RARB: variants seen among roughly 807,000 people sequenced by gnomAD.
RARB encodes retinoic acid receptor beta, also known as HBV-activated protein.
In RARB, 17 loss-of-function variants were observed where a neutral mutation model predicts 51.9. The observed-to-expected ratio is 0.33, with a 90% CI of 0.22 to 0.49. The LOEUF is 0.49. Ranked by LOEUF, RARB falls within the 20% of genes least tolerant of loss-of-function variation. The pLI is 0.99. For missense variants in RARB, 369 were observed against 550.8 expected, an observed-to-expected ratio of 0.67 and a Z score of 3.30; for synonymous variants, 215 against 195.4, an observed-to-expected ratio of 1.10 and a Z score of -0.84.
chr3:25,489,306 T>G (rs1301125310), intron 2 of RARB, among the ~76,000 whole-genome samples: 1 of 152,242 alleles, frequency 6.6e-6, no homozygotes, highest in Non-Finnish European at 1.5e-5. Flanking sequence ...TTTGAGCCTA[T>G]TTTTTGCTAA....
chr3:25,308,358 A>G (rs145809077), intron 5 of RARB, among the ~76,000 whole-genome samples: 1 of 152,224 alleles, frequency 6.6e-6, no homozygotes, highest in Admixed American at 6.5e-5. Flanking sequence ...CTTTGCAGCC[A>G]TACAGACTAG....
Position 24,929,803 on chromosome 3 carries a change from C to T in RARB, c.-380+71051C>T, listed in dbSNP as rs80062089. 7.4e-3 allele frequency among the ~76,000 whole-genome samples: 1,120 copies of T among 152,194 alleles called. 4 individuals are homozygous for T. The highest frequency in any genetic ancestry group is 0.012 in the Non-Finnish European group (803 of 67,990). On this transcript the variant is annotated intron_variant, in intron 2 of 11. Transcript: ENST00000383772. ...TGGCTGTAATGCCTGGGCAATGCTG[C>T]TACATAGGCTGCTGTTTTGAGTTGA...
intron 5 of RARB, among the ~76,000 whole-genome samples, chr3:25,353,334 G>A (rs375633010): frequency 3.9e-5 from 6 of 152,246 alleles, no homozygotes; most frequent in South Asian, 2.1e-4. Flanking sequence ...AGTCTGCCAC[G>A]TAGTAGGGTG....
chr3:25,052,061 T>C (rs1575137301), intron 2 of RARB, among the ~76,000 whole-genome samples: 1 of 152,188 alleles, frequency 6.6e-6, no homozygotes, highest in African/African-American at 2.4e-5. Context: ...CGGTATATGC[T>C]TTTGTGAGCA....
chr3:24,833,143 A>G (rs975928817), intron 1 of RARB: 5 of 152,322 alleles, frequency 3.3e-5, no homozygotes, highest in Admixed American at 1.3e-4. Context: ...GTCAGCAGTG[A>G]CTACTGAGCA....
chr3:24,980,195 C>G (rs1419559012), intron 2 of RARB, among the ~76,000 whole-genome samples: 4 of 152,146 alleles, frequency 2.6e-5, no homozygotes, highest in Non-Finnish European at 5.9e-5. Context: ...TCTGGCTGCC[C>G]TTAACATTTT....
intron 4 of RARB, among the ~76,000 whole-genome samples, chr3:25,172,145 C>T (rs993884948): frequency 2.0e-5 from 3 of 152,122 alleles, no homozygotes; most frequent in Non-Finnish European, 4.4e-5. Context: ...TGACACTGTT[C>T]GTTTTTAATA....
At chr3:24,879,173 T>C (rs1703106662) in intron 2 of RARB, among the ~76,000 whole-genome samples, 1 of 152,154 alleles carries the variant, frequency 6.6e-6, no homozygotes, top group Non-Finnish European at 1.5e-5. Context: ...CTCACGCCTG[T>C]AATCCCAGCA....
intron 5 of RARB, among the ~76,000 whole-genome samples, chr3:25,216,048 G>A (rs569834834): frequency 7.9e-5 from 12 of 152,278 alleles, no homozygotes; most frequent in African/African-American, 2.6e-4. Flanking sequence ...AAAAATATGT[G>A]CTTGAAGCAG....
chr3:25,285,335 C>T (rs1219274143), intron 5 of RARB, among the ~76,000 whole-genome samples: 1 of 152,010 alleles, frequency 6.6e-6, no homozygotes, highest in African/African-American at 2.4e-5. Flanking sequence ...TTCAAAGGCC[C>T]TTTGTTGGGA....
chr3:24,919,210 A>AT (rs1311352806), intron 2 of RARB, among the ~76,000 whole-genome samples: 3 of 152,212 alleles, frequency 2.0e-5, no homozygotes, highest in Non-Finnish European at 4.4e-5. Flanking sequence ...TGACCATAAT[A>AT]TTTCACTACT....
intron 3 of RARB, among the ~76,000 whole-genome samples, chr3:25,073,978 C>CA (rs1383764263): frequency 9.9e-5 from 15 of 152,172 alleles, no homozygotes; most frequent in Admixed American, 9.8e-4. Context: ...GTCTATGCCT[C>CA]AGTACATGAC....
intron 3 of RARB, among the ~76,000 whole-genome samples, chr3:25,074,946 G>A (rs1477093850): frequency 6.6e-6 from 1 of 152,094 alleles, no homozygotes; most frequent in East Asian, 1.9e-4. Flanking sequence ...CTCAATCTTG[G>A]TTCCCAGTTC....
chr3:25,437,302 A>T (rs1708477003), intron 1 of RARB, among the ~76,000 whole-genome samples: 1 of 152,142 alleles, frequency 6.6e-6, no homozygotes, highest in African/African-American at 2.4e-5. Context: ...GACTTTTACA[A>T]GTGAGCATTG....
At chr3:25,328,102 GA>G (rs1328668037) in intron 5 of RARB, among the ~76,000 whole-genome samples, 1 of 152,226 alleles carries the variant, frequency 6.6e-6, no homozygotes, top group Non-Finnish European at 1.5e-5. Flanking sequence ...GATGGTATAA[GA>G]GAGCTAATTC....
At chr3:25,074,974 T>G (rs1442805837) in intron 3 of RARB, among the ~76,000 whole-genome samples, 1 of 152,196 alleles carries the variant, frequency 6.6e-6, no homozygotes, top group African/African-American at 2.4e-5. Flanking sequence ...TCATGACATC[T>G]CAGCAAAGAA....
intron 2 of RARB, among the ~76,000 whole-genome samples, chr3:25,030,170 C>G (rs1348593930): frequency 6.6e-6 from 1 of 152,126 alleles, no homozygotes; most frequent in African/African-American, 2.4e-5. Flanking sequence ...TACCTTCTGC[C>G]TGAGCCTGTG....
intron 3 of RARB, among the ~76,000 whole-genome samples, chr3:25,546,850 T>A (rs1699639349): frequency 6.6e-6 from 1 of 152,346 alleles, no homozygotes; most frequent in African/African-American, 2.4e-5. Flanking sequence ...AAATTTTCCT[T>A]ACCTCATGTT....
chr3:25,434,196 A>C (rs755741625), intron 1 of RARB, among the ~76,000 whole-genome samples: 5 of 152,212 alleles, frequency 3.3e-5, no homozygotes, highest in Non-Finnish European at 7.3e-5. Flanking sequence ...GAACCAGCTC[A>C]GGGGAGGGAG....
Sources: allele counts gnomAD v4.1 joint callset (sites outside exome capture counted in the v4.1 genomes callset), GRCh38; gene constraint gnomAD v4.1.1; transcripts MANE v1.5; gene names NCBI Gene and HGNC (gene_info 2026-07-23, HGNC 2026-07-21).